The following ACADSB variants were observed in gnomAD, a reference collection of about 807,000 sequenced individuals.
ACADSB encodes the protein acyl-CoA dehydrogenase short/branched chain, also known as short/branched chain specific acyl-CoA dehydrogenase, mitochondrial.
ACADSB carries 40 observed loss-of-function variants against 54.1 expected under a neutral mutation model. The ratio of observed to expected loss-of-function variants is 0.74; its 90% CI spans 0.57 to 0.96. ACADSB has a LOEUF of 0.96. ACADSB is among the 40% of genes least tolerant of loss of function. The pLI is 0.00. For missense variants in ACADSB, 530 were observed against 510.4 expected (o/e 1.04, Z -0.37); for synonymous variants, 182 against 182.8 (o/e 1.00, Z 0.03).
intron 1 of ACADSB, 103 bp downstream of exon 1, chr10:123,009,174 GC>G (rs1198477223): frequency 7.7e-7 from 1 of 1,294,838 alleles, no homozygotes. Context: ...GCCGGCCTGA[GC>G]CCCGCTCCAC....
intron 1 of ACADSB, among the ~76,000 whole-genome samples, chr10:123,011,549 C>T (rs138626376): frequency 0.32 from 46,333 of 144,118 alleles, 8,699 homozygotes; most frequent in Non-Finnish European, 0.42. Context: ...TTTTTTGAGA[C>T]GGAGTCTTAC....
chr10:123,026,570 G>C (rs1850254664), intron 1 of ACADSB, among the ~76,000 whole-genome samples: 1 of 152,038 alleles, frequency 6.6e-6, no homozygotes, highest in African/African-American at 2.4e-5. Context: ...ACTTTTATTA[G>C]ATTTCTATGC....
chr10:123,049,780 C>T (rs946161116), intron 8 of ACADSB, among the ~76,000 whole-genome samples: 12 of 152,112 alleles, frequency 7.9e-5, no homozygotes, highest in African/African-American at 1.9e-4. Flanking sequence ...GATGTAAAGA[C>T]GTGATCTTAA....
At chr10:123,045,802 C>T (rs954413758) in intron 7 of ACADSB, among the ~76,000 whole-genome samples, 5 of 152,026 alleles carry the variant, frequency 3.3e-5, no homozygotes, top group Non-Finnish European at 5.9e-5. Context: ...GATGTTCTGG[C>T]AATAAAATAC....
intron 1 of ACADSB, among the ~76,000 whole-genome samples, chr10:123,010,439 T>C (rs1032033727): frequency 3.3e-5 from 5 of 152,258 alleles, no homozygotes; most frequent in Admixed American, 2.6e-4. Flanking sequence ...TAGTCCTTTA[T>C]AGTTTTTGAA....
chr10:123,032,583 CTTTTTTTTTTTTTTT>C (rs889911796), intron 1 of ACADSB, among the ~76,000 whole-genome samples: 1 of 106,914 alleles, frequency 9.4e-6, no homozygotes, highest in Non-Finnish European at 1.9e-5. Flanking sequence ...AATTTCCATT[CTTTTTTTTTTTTTTT>C]TTTTTTTTGA....
chr10:123,015,357 T>G (rs1850097440), intron 1 of ACADSB, among the ~76,000 whole-genome samples: 1 of 152,198 alleles, frequency 6.6e-6, no homozygotes, highest in Admixed American at 6.5e-5. Context: ...TTGTCGTTTT[T>G]GTTGTTGTTG....
At chr10:123,038,181 T>C (rs1850424652) in intron 3 of ACADSB, among the ~76,000 whole-genome samples, 1 of 152,218 alleles carries the variant, frequency 6.6e-6, no homozygotes, top group Non-Finnish European at 1.5e-5. Context: ...TAAGGCGTGC[T>C]ACTGGCATCT....
intron 1 of ACADSB, among the ~76,000 whole-genome samples, chr10:123,023,497 A>C (rs987329927): frequency 5.9e-5 from 9 of 152,170 alleles, no homozygotes; most frequent in Admixed American, 3.9e-4. Context: ...CACACACACA[A>C]ACAAAGATCC....
intron 7 of ACADSB, among the ~76,000 whole-genome samples, chr10:123,045,149 ATATATATATATATATATATATATTT>A (rs1233650454): frequency 1.0e-4 from 1 of 10,022 alleles, no homozygotes; most frequent in African/African-American, 3.6e-4. Context: ...ATATATATAT[ATATATATATATATATATATATATTT>A]TTTTTTTTTT....
At chr10:123,043,450 T>C (rs1850503560) in intron 6 of ACADSB, among the ~76,000 whole-genome samples, 1 of 152,228 alleles carries the variant, frequency 6.6e-6, no homozygotes, top group South Asian at 2.1e-4. Flanking sequence ...CCACGTATAC[T>C]TTATAAGCTT....
At chr10:123,013,486 C>T (rs943916853) in intron 1 of ACADSB, among the ~76,000 whole-genome samples, 1 of 152,270 alleles carries the variant, frequency 6.6e-6, no homozygotes, top group Non-Finnish European at 1.5e-5. Context: ...GCCTGCCAGT[C>T]TCGCGCCTCG....
intron 1 of ACADSB, among the ~76,000 whole-genome samples, chr10:123,019,017 A>G (rs2133458648): frequency 6.6e-6 from 1 of 152,326 alleles, no homozygotes; most frequent in African/African-American, 2.4e-5. Flanking sequence ...AACTGAATAT[A>G]GTGTTAAGTA....
chr10:123,016,705 AT>A (rs1850113405), intron 1 of ACADSB, among the ~76,000 whole-genome samples: 1 of 152,246 alleles, frequency 6.6e-6, no homozygotes, highest in Non-Finnish European at 1.5e-5. Context: ...AGTTCAGACC[AT>A]CCTGGGTAAA....
chr10:123,031,271 C>T (rs1850322335), intron 1 of ACADSB, among the ~76,000 whole-genome samples: 2 of 152,214 alleles, frequency 1.3e-5, no homozygotes, highest in African/African-American at 2.4e-5. Context: ...CATCCAAGTT[C>T]ATGGACTTTA....
intron 3 of ACADSB, among the ~76,000 whole-genome samples, chr10:123,039,311 C>G (rs1589740577): frequency 6.6e-6 from 1 of 152,140 alleles, no homozygotes. Flanking sequence ...TGTTGTAGCC[C>G]AAAATGTAAC....
In ACADSB at chr10:123,035,534, G is replaced by A. The variant is rs186234931; in HGVS notation, c.202+1019G>A. Among the ~76,000 whole-genome samples, 746 of 152,294 alleles carry A rather than the reference G, an allele frequency of 4.9e-3. 3 individuals are homozygous for A. Among genetic ancestry groups the A allele is most frequent in the African/African-American group, 0.017 (710 of 41,552 alleles). ...TATTGAATCACTACAAACTTAACAA[G>A]TTAAAACAGCACCGGTGTAGTGGCT... On this transcript the variant is annotated intron_variant, in intron 2 of 10. Coordinates refer to ENST00000358776, the MANE Select transcript of ACADSB (RefSeq NM_001609.4).
At chr10:123,023,956 A>G (rs1850215464) in intron 1 of ACADSB, among the ~76,000 whole-genome samples, 1 of 152,194 alleles carries the variant, frequency 6.6e-6, no homozygotes, top group African/African-American at 2.4e-5. Context: ...CGATCCCCTG[A>G]GGTGTCCCCC....
In ACADSB at chr10:123,053,115, A is replaced by G. The variant is rs751591153; in HGVS notation, c.1183A>G (p.Thr395Ala). ...CIEWMGGVGY[T>A]KDYPVEKYFR... ...CGAGTGGATGGGGGGAGTAGGCTAC[A>G]CCAAAGATTACCCTGTGGAGAAATA... is the stretch of plus-strand genomic sequence containing the variant. The change falls in exon 10 of 11, where the codon ACC (threonine) becomes GCC (alanine). Residue 395 changes from threonine to alanine, a missense_variant. Coordinates refer to ENST00000358776, the MANE Select transcript of ACADSB (RefSeq NM_001609.4). The G allele has an allele frequency of 6.2e-6, 10 of 1,614,070 alleles. No individual in the cohort carries two copies. Among genetic ancestry groups the G allele is most frequent in the Non-Finnish European group, 8.5e-6 (10 of 1,179,970 alleles).
Sources: gnomAD v4.1 joint callset for allele counts (sites outside exome capture counted in the v4.1 genomes callset) on GRCh38, gnomAD v4.1.1 for gene constraint, MANE v1.5 for transcripts, NCBI Gene and HGNC (gene_info 2026-07-23, HGNC 2026-07-21) for gene names.